The following IGF2 variants were observed in gnomAD, a reference collection of about 807,000 sequenced individuals.
IGF2 encodes the protein insulin-like growth factor 2.
In IGF2, 2 loss-of-function variants were observed where a neutral mutation model predicts 12.0. The observed-to-expected ratio is 0.17, with a 90% CI of 0.07 to 0.52. IGF2 has a LOEUF of 0.52. IGF2 is among the 20% of genes least tolerant of loss of function. The pLI, the probability that IGF2 is intolerant of heterozygous loss-of-function variation, is 0.95. For synonymous variants in IGF2, 105 were observed against 110.1 expected (o/e 0.95, Z 0.29); for missense variants, 211 against 268.0 (o/e 0.79, Z 1.48).
upstream of IGF2, among the ~76,000 whole-genome samples, chr11:2,141,944 C>T (rs753158866): frequency 1.3e-5 from 2 of 152,166 alleles, no homozygotes; most frequent in African/African-American, 2.4e-5. Context: ...TCCTGGATGT[C>T]GTCTGCATTT....
the IGF2 span, chr11:2,146,383 C>T: frequency 7.5e-6 from 4 of 535,038 alleles, no homozygotes; most frequent in East Asian, 1.1e-4. Context: ...GCTGACCTTG[C>T]GCTCACTCCC....
chr11:2,136,353 C>T (rs1859049772), intron 1 of IGF2, among the ~76,000 whole-genome samples: 1 of 152,244 alleles, frequency 6.6e-6, no homozygotes, highest in South Asian at 2.1e-4. Flanking sequence ...ATTTGCGCTA[C>T]CAAACTCTCC....
rs781563957 is a variant in IGF2 at position 2,129,851 on chromosome 11, G to A, written c.*3136C>T. On this transcript the variant is annotated 3_prime_UTR_variant, in exon 4 of 4. Transcript: ENST00000416167. The surrounding 1 kb of genome is among the most constrained non-coding windows in gnomAD (Gnocchi z 8.1). The stretch of plus-strand genomic sequence containing the variant: ...ACCTCCCAGAGGCCGAGTCCCTGCC[G>A]CAGCCCTAGGCGCCGCGGTGGTGGC... The A allele has an allele frequency of 1.1e-4, 25 of 231,958 alleles. No homozygotes were observed. The highest frequency in any genetic ancestry group is 4.2e-4 in the African/African-American group (19 of 45,340). 14.4% of individuals were successfully genotyped at this position (231,958 alleles called of 1,614,324 possible). A position where few individuals can be genotyped will look rare whatever the true frequency, so the allele number is the denominator to read the frequency against.
chr11:2,137,529 A>AG (rs112129175), intron 1 of IGF2, among the ~76,000 whole-genome samples: 13,843 of 145,454 alleles, frequency 0.095, 786 homozygotes, highest in Non-Finnish European at 0.14. Context: ...AGGGCAGTGA[A>AG]GGGGGGGGGG....
upstream of IGF2, among the ~76,000 whole-genome samples, chr11:2,144,672 G>A (rs1339409323): frequency 1.3e-5 from 2 of 152,152 alleles, no homozygotes; most frequent in East Asian, 1.9e-4. Flanking sequence ...AAACCCGCAT[G>A]CAGGCGCCCA....
upstream of IGF2, chr11:2,140,133 A>G: frequency 1.2e-6 from 2 of 1,612,456 alleles, no homozygotes. Context: ...CTCAAATCCT[A>G]CCTGCATGGC....
chr11:2,134,260 C>T, intron 2 of IGF2: 1 of 417,992 alleles, frequency 2.4e-6, no homozygotes, highest in East Asian at 9.8e-5. Flanking sequence ...GGGGCTCCAC[C>T]TTGGGGTGCC....
chr11:2,133,257 G>C lies in IGF2; in HGVS notation c.307-34C>G. 1 of 1,382,810 alleles carries C rather than the reference G, an allele frequency of 7.2e-7. No individual in the cohort carries two copies. The highest frequency in any genetic ancestry group is 9.9e-7 in the Non-Finnish European group (1 of 1,014,602). The allele number at this position is 1,382,810 out of a possible 1,614,324, so 85.7% of individuals were successfully genotyped here. On this transcript the variant is annotated intron_variant, in intron 3 of 3. Transcript: ENST00000416167. This position sits in a 1 kb window ranked among gnomAD's most constrained non-coding sequence, Gnocchi z 8.9. The stretch of plus-strand genomic sequence containing the variant: ...GGAAGGGGCTGGTCAGCAGGTGCCT[G>C]CTCTCCACGCTCTTCCGCCTGAGCC...
rs570973772 is a variant in IGF2, at chr11:2,132,884, G to A, written c.*103C>T. ...GGGTCAGGAGAAGCCCCAGGGGGAC[G>A]TGGAACCGAGAGATTTTCGGGATGG... On this transcript the variant is annotated 3_prime_UTR_variant, in exon 4 of 4. Coordinates refer to ENST00000416167, the MANE Select transcript of IGF2 (RefSeq NM_000612.6). The A allele has an allele frequency of 6.1e-6, 5 of 818,144 alleles. No individual in the cohort carries two copies. The highest frequency in any genetic ancestry group is 3.5e-5 in the African/African-American group (2 of 57,398). The allele number at this position is 818,144 out of a possible 1,614,324, so 50.7% of individuals were successfully genotyped here.
chr11:2,149,428 G>T, the IGF2 span: 1 of 1,176,482 alleles, frequency 8.5e-7, no homozygotes, highest in South Asian at 1.3e-5. Flanking sequence ...GCTGAGCATG[G>T]CACCTGCTCA....
upstream of IGF2, among the ~76,000 whole-genome samples, chr11:2,144,262 G>A (rs980558682): frequency 6.6e-6 from 1 of 152,136 alleles, no homozygotes; most frequent in Non-Finnish European, 1.5e-5. Context: ...CGCGTGGGAG[G>A]TCCGCAGGCT....
chr11:2,134,064 T>C, intron 2 of IGF2: 1 of 432,132 alleles, frequency 2.3e-6, no homozygotes, highest in Non-Finnish European at 4.6e-6. Context: ...GACTCTGGCC[T>C]GGCACCACCT....
At chr11:2,149,412 A>G in the IGF2 span, 1 of 1,357,112 alleles carries the variant, frequency 7.4e-7, no homozygotes, top group Non-Finnish European at 1.0e-6. Context: ...GGAGAGCCTC[A>G]TCTCCGCTGA....
Position 2,133,545 on chromosome 11 carries a change from T to C in IGF2, c.278A>G (p.Asp93Gly). ...AAGCACGGTCGGAGGGGTCGACACG[T>C]CCCTCTCGGACTTGGCGGGGGTAGC... Reference protein sequence around the residue: ...YCATPAKSERDVSTPPTVLPD... With the variant: ...YCATPAKSERGVSTPPTVLPD... The change falls in exon 3 of 4, where the codon GAC becomes GGC. Residue 93 changes from aspartate to glycine, a missense_variant. Asp to Gly is a moderately conservative substitution (Grantham distance 94). This residue lies in a region of IGF2 where 141 missense variants were observed against 153.1 expected (regional missense o/e 0.92). Transcript: ENST00000416167. The surrounding 1 kb of genome is among the most constrained non-coding windows in gnomAD (Gnocchi z 8.9). 6.2e-7 allele frequency: 1 copy of C among 1,612,574 alleles called. No homozygotes were observed. Among genetic ancestry groups the C allele is most frequent in the Non-Finnish European group, 8.5e-7 (1 of 1,179,726 alleles).
At chr11:2,138,184 G>A (rs911115579) in intron 1 of IGF2, 45 bp downstream of exon 1, 8 of 980,058 alleles carry the variant, frequency 8.2e-6, no homozygotes, top group Non-Finnish European at 9.7e-6. Flanking sequence ...GCAAGCCCGC[G>A]CCGCCCCAGC....
the IGF2 span, chr11:2,149,213 C>T: frequency 3.1e-4 from 508 of 1,613,408 alleles, 1 homozygote; most frequent in East Asian, 7.4e-3. Flanking sequence ...GGCTCTCTGC[C>T]GAAACTGCCT....
rs1483650485 is a variant in IGF2 at position 2,131,694 on chromosome 11, TGTGTGTGCTGTGTGTGCTGTGTTC to T, written c.*1269_*1292del. 9 of 210,034 alleles carry T rather than the reference TGTGTGTGCTGTGTGTGCTGTGTTC, an allele frequency of 4.3e-5. No individual in the cohort carries two copies. The highest frequency in any genetic ancestry group is 7.6e-5 in the Non-Finnish European group (8 of 105,332). 13.0% of individuals were successfully genotyped at this position (210,034 alleles called of 1,614,324 possible). A position where few individuals can be genotyped will look rare whatever the true frequency, so the allele number is the denominator to read the frequency against. ...TGTGTGCATGTGTGTGCTGTGTTTG[TGTGTGTGCTGTGTGTGCTGTGTTC>T]GTGTGTGCTGTGTTCGCGTGTGTGT... On this transcript the variant is annotated 3_prime_UTR_variant, in exon 4 of 4. Coordinates refer to ENST00000416167, the MANE Select transcript of IGF2 (RefSeq NM_000612.6).
chr11:2,143,686 G>A (rs1221786222), upstream of IGF2, among the ~76,000 whole-genome samples: 1 of 152,236 alleles, frequency 6.6e-6, no homozygotes, highest in Non-Finnish European at 1.5e-5. Context: ...GGAAAAGCCC[G>A]CCGGGACTGA....
At position 2,138,396 on chromosome 11, in the gene IGF2, G is replaced by GA. The variant is rs1478615919; in HGVS notation, c.-175_-174insT. ...GGGGGATGGCTTTTTTTTGGGGGGG[G>GA]GGGGAGAATTCGTCTGATTGTCCAG... On this transcript the variant is annotated 5_prime_UTR_variant, in exon 1 of 4. Transcript: ENST00000416167. The GA allele has an allele frequency of 6.0e-6, 3 of 501,970 alleles. No homozygotes were observed. The highest frequency in any genetic ancestry group is 2.1e-5 in the African/African-American group (1 of 46,740). The allele number at this position is 501,970 out of a possible 1,614,324, so 31.1% of individuals were successfully genotyped here.
Sources: allele counts gnomAD v4.1 joint callset (sites outside exome capture counted in the v4.1 genomes callset), GRCh38; gene constraint gnomAD v4.1.1; regional missense constraint gnomAD v4.1.1; non-coding constraint Gnocchi (gnomAD v3.1); transcripts MANE v1.5; gene names NCBI Gene and HGNC (gene_info 2026-07-23, HGNC 2026-07-21).